TLL1: variants seen among roughly 807,000 people sequenced by gnomAD.
TLL1 encodes tolloid like 1.
Under a neutral mutation model 128.2 loss-of-function variants are expected in TLL1, and 49 were observed. The ratio of observed to expected loss-of-function variants is 0.38; its 90% CI spans 0.30 to 0.48. The LOEUF (loss-of-function observed/expected upper bound fraction) is 0.48. Among genes scored for constraint, TLL1 ranks in the 20% least tolerant of loss-of-function variants. The pLI is 0.96. For synonymous variants in TLL1, 454 were observed against 418.8 expected, an observed-to-expected ratio of 1.08 and a Z score of -1.03; for missense variants, 1,123 against 1,242.0, an observed-to-expected ratio of 0.90 and a Z score of 1.44.
intron 1 of TLL1, among the ~76,000 whole-genome samples, chr4:165,923,134 CATAA>C (rs1489004865): frequency 1.3e-5 from 2 of 152,078 alleles, no homozygotes; most frequent in African/African-American, 4.8e-5. Flanking sequence ...AACTTCTGCA[CATAA>C]ATAAACAGTA....
intron 1 of TLL1, among the ~76,000 whole-genome samples, chr4:165,886,628 G>A (rs1731173213): frequency 6.6e-6 from 1 of 152,088 alleles, no homozygotes; most frequent in Non-Finnish European, 1.5e-5. Context: ...AAATGGCATA[G>A]TATTTGAATA....
intron 6 of TLL1, among the ~76,000 whole-genome samples, chr4:166,005,089 CA>C (rs1408163155): frequency 6.6e-6 from 1 of 151,966 alleles, no homozygotes; most frequent in East Asian, 1.9e-4. Context: ...GGAATATCAT[CA>C]TGTGAGGGGA....
At chr4:165,961,390 C>A (rs1196648022) in intron 1 of TLL1, among the ~76,000 whole-genome samples, 1 of 152,166 alleles carries the variant, frequency 6.6e-6, no homozygotes. Context: ...AATGGCCATA[C>A]TGCCCAAAGT....
rs188789405 is a variant in TLL1 at position 166,000,265 on chromosome 4, C to T, written c.633-3126C>T. Among the ~76,000 whole-genome samples, 11 of 152,232 alleles carry T rather than the reference C, an allele frequency of 7.2e-5. No individual in the cohort carries two copies. In the East Asian group the frequency reaches 2.1e-3, roughly 29 times the overall value. Reference sequence around the variant, plus strand: ...AATCACATTAAAAATACATATTACCCTTGTCTTTCCATGACTAATATTTGT... The same window carrying T: ...AATCACATTAAAAATACATATTACCTTTGTCTTTCCATGACTAATATTTGT... On this transcript the variant is annotated intron_variant, in intron 5 of 20. Transcript: ENST00000061240.
chr4:166,011,816 C>T (rs1225954282), intron 7 of TLL1, among the ~76,000 whole-genome samples: 1 of 151,378 alleles, frequency 6.6e-6, no homozygotes, highest in African/African-American at 2.4e-5. Context: ...CCTCCTATTC[C>T]TAGATTTTTG....
rs1739945427 is a variant in TLL1 at position 166,055,168 on chromosome 4, T to C, written c.1617T>C (p.Tyr539=). ...NSPLIGRFCG[Y]DKPEDIRSTS... ...CTTTGATAGGGCGTTTCTGTGGTTA[T>C]GACAAACCTGAAGACATAAGATCTA... Residue 539 remains tyrosine, a synonymous_variant, in exon 13 of 21, where the codon TAT becomes TAC. Coordinates refer to ENST00000061240, the MANE Select transcript of TLL1 (RefSeq NM_012464.5). 6.2e-7 allele frequency: 1 copy of C among 1,613,668 alleles called. No homozygotes were observed. The highest frequency in any genetic ancestry group is 2.2e-5 in the East Asian group (1 of 44,802).
rs17633321 is a variant in TLL1 at position 166,003,119 on chromosome 4, T to A, written c.633-272T>A. On this transcript the variant is annotated intron_variant, in intron 5 of 20. Transcript: ENST00000061240. ...CCATGATAATTAGTTTATTTTCTGA[T>A]GTATTTCCGAATGCTTCTAAAAATG... Among the ~76,000 whole-genome samples the A allele has an allele frequency of 0.028, 4,243 of 152,298 alleles. 133 individuals carry two copies. Among genetic ancestry groups the A allele is most frequent in the East Asian group, 0.15 (770 of 5,180 alleles).
intron 2 of TLL1, among the ~76,000 whole-genome samples, chr4:165,989,913 TTGAG>T (rs1213452608): frequency 5.9e-5 from 9 of 151,896 alleles, no homozygotes; most frequent in Non-Finnish European, 1.2e-4. Flanking sequence ...TTTTGTCCTC[TTGAG>T]TATTATATTA....
At position 165,873,971 on chromosome 4, in the gene TLL1, G is replaced by C. The variant is rs72984287; in HGVS notation, c.67G>C (p.Gly23Arg). ...GGTGGCCTCGGGGATTGTTTTCTAC[G>C]GGGAGCTATGGGTCTGCGCTGGCCT... ...WLVASGIVFY[G>R]ELWVCAGLDY... Residue 23 changes from glycine (G) to arginine (R), a missense_variant, in exon 1 of 21, where the codon GGG becomes CGG. Coordinates refer to ENST00000061240, the MANE Select transcript of TLL1 (RefSeq NM_012464.5). The C allele has an allele frequency of 0.013, 21,035 of 1,614,046 alleles. 2,236 individuals are homozygous for C. The African/African-American group carries it at 0.24, about 18-fold the overall frequency.
chr4:166,035,009 C>A (rs1738933337), intron 9 of TLL1, among the ~76,000 whole-genome samples: 1 of 152,200 alleles, frequency 6.6e-6, no homozygotes, highest in Admixed American at 6.5e-5. Context: ...AATCTCATTT[C>A]TAAGGGCAGA....
intron 1 of TLL1, among the ~76,000 whole-genome samples, chr4:165,933,566 T>G (rs1439949930): frequency 6.6e-6 from 1 of 152,166 alleles, no homozygotes; most frequent in Non-Finnish European, 1.5e-5. Flanking sequence ...CTTGGAAATT[T>G]TATCCAGCCA....
chr4:165,902,205 T>G (rs952578588), intron 1 of TLL1, among the ~76,000 whole-genome samples: 1 of 151,968 alleles, frequency 6.6e-6, no homozygotes, highest in Non-Finnish European at 1.5e-5. Flanking sequence ...TCTGCTGAGC[T>G]AGACCACTTG....
At chr4:165,931,389 T>G (rs1035236244) in intron 1 of TLL1, among the ~76,000 whole-genome samples, 2 of 152,152 alleles carry the variant, frequency 1.3e-5, no homozygotes, top group African/African-American at 4.8e-5. Flanking sequence ...ACTTTTCTCA[T>G]CCTTTAAAGT....
chr4:165,993,015 T>G, intron 3 of TLL1, 131 bp downstream of exon 3: 1 of 772,372 alleles, frequency 1.3e-6, no homozygotes. Flanking sequence ...TCTAAAACTT[T>G]TTATTTTGCT....
intron 1 of TLL1, among the ~76,000 whole-genome samples, chr4:165,968,507 G>A (rs186240624): frequency 3.0e-4 from 45 of 152,222 alleles, no homozygotes; most frequent in Admixed American, 2.5e-3. Context: ...ATTCTATAGA[G>A]TAAGGTTATC....
At chr4:165,924,748 TAGAG>T (rs965497828) in intron 1 of TLL1, among the ~76,000 whole-genome samples, 24 of 152,128 alleles carry the variant, frequency 1.6e-4, no homozygotes, top group African/African-American at 5.8e-4. Flanking sequence ...CTTTCATAGT[TAGAG>T]AGGAGAAGTC....
intron 9 of TLL1, among the ~76,000 whole-genome samples, chr4:166,025,967 A>G (rs1738474499): frequency 6.6e-6 from 1 of 152,196 alleles, no homozygotes; most frequent in Non-Finnish European, 1.5e-5. Flanking sequence ...TTAGAAAAAG[A>G]GCAATAAAAT....
At position 165,915,924 on chromosome 4, in the gene TLL1, A is replaced by T. The variant is rs928991988; in HGVS notation, c.169+41851A>T. Among the ~76,000 whole-genome samples the T allele has an allele frequency of 2.6e-5, 4 of 151,960 alleles. No individual in the cohort carries two copies. In the East Asian group the frequency reaches 7.7e-4, roughly 29 times the overall value. On this transcript the variant is annotated intron_variant, in intron 1 of 20. Coordinates refer to ENST00000061240, the MANE Select transcript of TLL1 (RefSeq NM_012464.5). ...TATTAATTACCATTCAAAATCACTT[A>T]AAAAAAGATGACTATCCAAAATGCA...
At chr4:166,098,076 G>A (rs1742106041) in intron 19 of TLL1, among the ~76,000 whole-genome samples, 1 of 152,060 alleles carries the variant, frequency 6.6e-6, no homozygotes, top group South Asian at 2.1e-4. Context: ...GCTCATGCAT[G>A]TAATCCCAGC....
Sources: gnomAD v4.1 joint callset for allele counts (sites outside exome capture counted in the v4.1 genomes callset) on GRCh38, gnomAD v4.1.1 for gene constraint, MANE v1.5 for transcripts, NCBI Gene and HGNC (gene_info 2026-07-23, HGNC 2026-07-21) for gene names.